The following TMEM229B variants were observed in gnomAD, a reference collection of about 807,000 sequenced individuals.
The protein encoded by TMEM229B is transmembrane protein 229B.
Under a neutral mutation model 13.7 loss-of-function variants are expected in TMEM229B, and 6 were observed. That is an observed-to-expected ratio of 0.44 (90% CI 0.24 to 0.86). The LOEUF (loss-of-function observed/expected upper bound fraction) is 0.86, where lower values mean the gene tolerates loss of function less well. TMEM229B is among the 40% of genes least tolerant of loss of function. The probability of loss-of-function intolerance (pLI) is 0.23; values close to 1 mark genes in which losing one functional copy is unlikely to be tolerated. For synonymous variants in TMEM229B, 107 were observed against 102.1 expected (o/e 1.05, Z -0.29); for missense variants, 170 against 236.0 (o/e 0.72, Z 1.83).
At chr14:67,512,968 A>G (rs372585633) in intron 1 of TMEM229B, among the ~76,000 whole-genome samples, 2 of 152,354 alleles carry the variant, frequency 1.3e-5, no homozygotes, top group Admixed American at 1.3e-4. Context: ...CTTTCCCTTT[A>G]GAAACAATAT....
At chr14:67,481,431 T>C (rs950281301) in intron 2 of TMEM229B, among the ~76,000 whole-genome samples, 2 of 152,046 alleles carry the variant, frequency 1.3e-5, no homozygotes, top group African/African-American at 4.8e-5. Context: ...TCAGACAGTG[T>C]CCGAGGGCAG....
At chr14:67,489,989 CAA>C (rs5809348), upstream of TMEM229B, among the ~76,000 whole-genome samples, 1,195 of 139,034 alleles carry the variant, frequency 8.6e-3, 8 homozygotes, top group Non-Finnish European at 0.011. Context: ...GACTCCGTCT[CAA>C]AAAAAAAAAA....
intron 2 of TMEM229B, among the ~76,000 whole-genome samples, chr14:67,481,265 G>A (rs2031569092): frequency 6.6e-6 from 1 of 152,116 alleles, no homozygotes; most frequent in Admixed American, 6.6e-5. Flanking sequence ...CATGGACAAT[G>A]AGCAAGACCC....
At chr14:67,496,421 T>TTTTTTTTG (rs1491168123) in intron 1 of TMEM229B, among the ~76,000 whole-genome samples, 1 of 117,498 alleles carries the variant, frequency 8.5e-6, no homozygotes, top group South Asian at 2.6e-4. Context: ...TTTTTTTTTT[T>TTTTTTTTG]GAGACAGGGT....
chr14:67,511,237 C>T (rs1244248584), intron 1 of TMEM229B, among the ~76,000 whole-genome samples: 3 of 152,148 alleles, frequency 2.0e-5, no homozygotes, highest in Non-Finnish European at 2.9e-5. Context: ...CCAGTATGTT[C>T]TGAATGAGGG....
At chr14:67,528,098 G>A (rs1013767690) in intron 1 of TMEM229B, among the ~76,000 whole-genome samples, 2 of 152,172 alleles carry the variant, frequency 1.3e-5, no homozygotes, top group Admixed American at 1.3e-4. Flanking sequence ...TGGGGACTCA[G>A]ATAGATTGGA....
upstream of TMEM229B, among the ~76,000 whole-genome samples, chr14:67,490,696 C>T (rs193117667): frequency 1.9e-3 from 294 of 152,244 alleles, 1 homozygote; most frequent in African/African-American, 6.5e-3. Flanking sequence ...TCTCTCTCCC[C>T]GGCCCCTCAT....
intron 1 of TMEM229B, among the ~76,000 whole-genome samples, chr14:67,524,946 G>A (rs2033345078): frequency 6.6e-6 from 1 of 152,198 alleles, no homozygotes; most frequent in Admixed American, 6.5e-5. Context: ...TGAGGAATGG[G>A]TGGTTATGGG....
intron 1 of TMEM229B, among the ~76,000 whole-genome samples, chr14:67,510,799 T>C (rs1005458643): frequency 1.3e-5 from 2 of 152,020 alleles, no homozygotes; most frequent in Non-Finnish European, 2.9e-5. Flanking sequence ...AAAAAGGAGA[T>C]GGGGGTTGTC....
chr14:67,520,267 C>T (rs994650121), upstream of TMEM229B, among the ~76,000 whole-genome samples: 3 of 152,130 alleles, frequency 2.0e-5, no homozygotes, highest in African/African-American at 4.8e-5. Flanking sequence ...TGTATATTGA[C>T]ATGTATCCAC....
intron 1 of TMEM229B, among the ~76,000 whole-genome samples, chr14:67,505,459 G>A (rs1239910184): frequency 6.6e-6 from 1 of 152,210 alleles, no homozygotes; most frequent in Non-Finnish European, 1.5e-5. Flanking sequence ...TGTTGGAGGA[G>A]CCAAGGGAGA....
intron 1 of TMEM229B, among the ~76,000 whole-genome samples, chr14:67,500,853 G>C (rs1026564698): frequency 2.0e-5 from 3 of 151,956 alleles, no homozygotes; most frequent in African/African-American, 7.2e-5. Context: ...TTACAGGCAT[G>C]AGCCACCGCG....
chr14:67,508,900 T>C (rs186994089), intron 1 of TMEM229B, among the ~76,000 whole-genome samples: 8 of 152,210 alleles, frequency 5.3e-5, no homozygotes, highest in Admixed American at 5.2e-4. Flanking sequence ...ATGTTTGCTG[T>C]ACTTTGCTCA....
intron 2 of TMEM229B, 72 bp from the exon 3 acceptor site, chr14:67,474,013 G>A (rs182857337): frequency 0.017 from 24,920 of 1,437,722 alleles, 265 homozygotes; most frequent in Middle Eastern, 0.021. Context: ...TGCGCTTTGG[G>A]AGGCCGAGGC....
chr14:67,477,726 A>G (rs1041445573), intron 2 of TMEM229B, among the ~76,000 whole-genome samples: 2 of 152,322 alleles, frequency 1.3e-5, no homozygotes, highest in Admixed American at 6.5e-5. Context: ...GAACTCTTGA[A>G]TTCAAGACTA....
At chr14:67,508,107 C>A (rs1252385090) in intron 1 of TMEM229B, among the ~76,000 whole-genome samples, 2 of 144,898 alleles carry the variant, frequency 1.4e-5, no homozygotes, top group Non-Finnish European at 3.0e-5. Context: ...TGCACTCCAG[C>A]CTGGGCAGCA....
chr14:67,491,287 C>T (rs977996946), upstream of TMEM229B, among the ~76,000 whole-genome samples: 1 of 152,168 alleles, frequency 6.6e-6, no homozygotes, highest in African/African-American at 2.4e-5. Flanking sequence ...GTTCAGCCAC[C>T]CAGAAACCTA....
At chr14:67,478,396 C>T (rs1372422060) in intron 2 of TMEM229B, among the ~76,000 whole-genome samples, 1 of 152,238 alleles carries the variant, frequency 6.6e-6, no homozygotes, top group Non-Finnish European at 1.5e-5. Flanking sequence ...CATTACTCTT[C>T]TCATTGCTGC....
chr14:67,514,702 G>A (rs538574143), intron 1 of TMEM229B, among the ~76,000 whole-genome samples: 18 of 152,022 alleles, frequency 1.2e-4, no homozygotes, highest in Non-Finnish European at 2.2e-4. Flanking sequence ...GTGGCCTCCT[G>A]GGTGCTCTCC....
Sources: gnomAD v4.1 joint callset for allele counts (sites outside exome capture counted in the v4.1 genomes callset) on GRCh38, gnomAD v4.1.1 for gene constraint, MANE v1.5 for transcripts, NCBI Gene and HGNC (gene_info 2026-07-23, HGNC 2026-07-21) for gene names.